Variants in FHIT observed in about 807,000 individuals in gnomAD.
FHIT encodes bis(5'-adenosyl)-triphosphatase.
A neutral mutation model predicts 17.9 loss-of-function variants in FHIT; 19 were observed. That is an observed-to-expected ratio of 1.06 (90% CI 0.74 to 1.56). The LOEUF (loss-of-function observed/expected upper bound fraction) is 1.56. Among genes scored for constraint, FHIT ranks in the 40% most tolerant of loss-of-function variants. The pLI, the probability that FHIT is intolerant of heterozygous loss-of-function variation, is 0.00. For missense variants in FHIT, 248 were observed against 189.2 expected (o/e 1.31, Z -1.82); for synonymous variants, 81 against 69.7 (o/e 1.16, Z -0.81).
chr3:60,598,726 G>A (rs550172047), intron 4 of FHIT, among the ~76,000 whole-genome samples: 14 of 152,226 alleles, frequency 9.2e-5, no homozygotes, highest in Admixed American at 5.2e-4. Context: ...TTCAGATACC[G>A]CTTCTGAGTT....
chr3:61,038,918 G>T (rs1192989296), intron 3 of FHIT, among the ~76,000 whole-genome samples: 1 of 151,996 alleles, frequency 6.6e-6, no homozygotes, highest in African/African-American at 2.4e-5. Flanking sequence ...ACCAAATGTG[G>T]GCCTTCATAA....
At chr3:60,475,720 T>C (rs1197510819) in intron 5 of FHIT, among the ~76,000 whole-genome samples, 2 of 152,178 alleles carry the variant, frequency 1.3e-5, no homozygotes, top group Non-Finnish European at 2.9e-5. Flanking sequence ...CTACACCAAA[T>C]ACCCAATATC....
intron 4 of FHIT, among the ~76,000 whole-genome samples, chr3:60,688,046 C>T (rs552554857): frequency 5.3e-5 from 8 of 151,272 alleles, no homozygotes; most frequent in Non-Finnish European, 1.0e-4. Flanking sequence ...TAATGAGTTA[C>T]TTTGTTTTAG....
chr3:60,010,637 T>C (rs1403448438), intron 7 of FHIT, among the ~76,000 whole-genome samples: 3 of 152,178 alleles, frequency 2.0e-5, no homozygotes, highest in African/African-American at 7.2e-5. Flanking sequence ...TTCTATGACT[T>C]AGGTGCAGAA....
At chr3:61,201,146 C>T (rs1318025594) in intron 1 of FHIT, among the ~76,000 whole-genome samples, 2 of 152,114 alleles carry the variant, frequency 1.3e-5, no homozygotes, top group South Asian at 2.1e-4. Context: ...CCACTTGCTC[C>T]GTAAGTATAT....
chr3:59,806,141 G>A (rs547880925), intron 8 of FHIT, among the ~76,000 whole-genome samples: 54 of 150,808 alleles, frequency 3.6e-4, no homozygotes, highest in Non-Finnish European at 6.5e-4. Flanking sequence ...AGATCACACC[G>A]CTGCACTCCA....
At chr3:61,075,058 C>G (rs1453253646) in intron 2 of FHIT, among the ~76,000 whole-genome samples, 1 of 152,180 alleles carries the variant, frequency 6.6e-6, no homozygotes, top group East Asian at 1.9e-4. Context: ...AAATGGCAAG[C>G]ACGGAATTGA....
intron 4 of FHIT, among the ~76,000 whole-genome samples, chr3:60,628,756 T>C (rs2039361488): frequency 6.6e-6 from 1 of 152,196 alleles, no homozygotes; most frequent in South Asian, 2.1e-4. Flanking sequence ...ATGACCTTAG[T>C]TAGGCTTGAC....
At chr3:60,435,240 A>G (rs1397655600) in intron 5 of FHIT, among the ~76,000 whole-genome samples, 1 of 152,164 alleles carries the variant, frequency 6.6e-6, no homozygotes, top group Non-Finnish European at 1.5e-5. Flanking sequence ...CTTTACAGAC[A>G]TTTGTAATAG....
chr3:59,850,505 A>C (rs773181197), intron 8 of FHIT, among the ~76,000 whole-genome samples: 35 of 152,168 alleles, frequency 2.3e-4, no homozygotes, highest in Admixed American at 6.5e-4. Context: ...CCTGCACTTA[A>C]ATTACGCAGG....
At chr3:59,891,429 G>C (rs548473815) in intron 8 of FHIT, among the ~76,000 whole-genome samples, 1 of 152,262 alleles carries the variant, frequency 6.6e-6, no homozygotes, top group African/African-American at 2.4e-5. Flanking sequence ...CTGGGTAGAA[G>C]AGGACAGATG....
At chr3:60,949,637 A>G (rs1199283507) in intron 3 of FHIT, among the ~76,000 whole-genome samples, 2 of 152,228 alleles carry the variant, frequency 1.3e-5, no homozygotes, top group Non-Finnish European at 2.9e-5. Context: ...CCCAATCAAT[A>G]AGATATTTTG....
At chr3:60,676,311 G>C (rs550508906) in intron 4 of FHIT, among the ~76,000 whole-genome samples, 3 of 152,066 alleles carry the variant, frequency 2.0e-5, no homozygotes, top group Non-Finnish European at 4.4e-5. Context: ...ACAATCCTTT[G>C]GTGGTGTGGA....
chr3:61,021,359 G>A (rs2032415939), intron 3 of FHIT, among the ~76,000 whole-genome samples: 1 of 151,568 alleles, frequency 6.6e-6, no homozygotes, highest in South Asian at 2.1e-4. Context: ...CAGCACTTTG[G>A]GAGGCCGAGG....
intron 5 of FHIT, among the ~76,000 whole-genome samples, chr3:60,170,329 C>T (rs147111043): frequency 6.6e-6 from 1 of 152,150 alleles, no homozygotes; most frequent in Non-Finnish European, 1.5e-5. Flanking sequence ...AGATTCCCAA[C>T]AATATATGAT....
At chr3:60,231,299 T>C (rs1704484620) in intron 5 of FHIT, among the ~76,000 whole-genome samples, 1 of 152,218 alleles carries the variant, frequency 6.6e-6, no homozygotes, top group South Asian at 2.1e-4. Flanking sequence ...TATCATCCAG[T>C]ACTTCAGTTT....
chr3:60,903,263 G>T (rs1307732985), intron 3 of FHIT, among the ~76,000 whole-genome samples: 1 of 152,176 alleles, frequency 6.6e-6, no homozygotes, highest in Non-Finnish European at 1.5e-5. Flanking sequence ...AAGGATCAAT[G>T]AACAATAATT....
intron 8 of FHIT, among the ~76,000 whole-genome samples, chr3:59,867,974 A>G (rs2106884008): frequency 6.8e-6 from 1 of 146,594 alleles, no homozygotes; most frequent in South Asian, 2.2e-4. Context: ...CTAAAACCCA[A>G]CGTTTTACTC....
At chr3:60,149,991 T>A (rs1033080737) in intron 5 of FHIT, among the ~76,000 whole-genome samples, 3 of 45,492 alleles carry the variant, frequency 6.6e-5, no homozygotes, top group African/African-American at 2.2e-4. Flanking sequence ...TAAGCCTTTT[T>A]TTTTTTTTTT....
Sources: allele counts gnomAD v4.1 joint callset (sites outside exome capture counted in the v4.1 genomes callset), GRCh38; gene constraint gnomAD v4.1.1; transcripts MANE v1.5; gene names NCBI Gene and HGNC (gene_info 2026-07-23, HGNC 2026-07-21).